Variants in TBC1D32 observed in about 807,000 individuals in gnomAD.
The protein encoded by TBC1D32 is TBC1 domain family member 32.
Under a neutral mutation model 170.3 loss-of-function variants are expected in TBC1D32, and 151 were observed. That is an observed-to-expected ratio of 0.89 (90% confidence interval 0.78 to 1.01). TBC1D32 has a LOEUF of 1.01. Ranked by LOEUF, TBC1D32 falls within the 50% of genes least tolerant of loss-of-function variation. The pLI is 0.00. For synonymous variants in TBC1D32, 498 were observed against 488.0 expected (o/e 1.02, Z -0.27); for missense variants, 1,464 against 1,457.1 (o/e 1.00, Z -0.08).
chr6:121,261,862 T>A (rs927248970), intron 15 of TBC1D32, among the ~76,000 whole-genome samples: 3 of 152,080 alleles, frequency 2.0e-5, no homozygotes, highest in Admixed American at 2.0e-4. Flanking sequence ...TCTAACCCAA[T>A]GCAAAGATGC....
In TBC1D32 at chr6:121,334,456, C is replaced by G; in HGVS notation, c.-26G>C. 2 of 1,605,530 alleles carry G rather than the reference C, an allele frequency of 1.2e-6. No homozygotes were observed. Among genetic ancestry groups the G allele is most frequent in the Non-Finnish European group, 1.7e-6 (2 of 1,175,592 alleles). On this transcript the variant is annotated 5_prime_UTR_variant, in exon 1 of 32. An upstream start codon of the reference 5' UTR is lost. Coordinates refer to ENST00000398212, the MANE Select transcript of TBC1D32 (RefSeq NM_152730.6). The stretch of plus-strand genomic sequence containing the variant: ...CCTGTTGGAATCAAACGTCCACTCT[C>G]ATTACTCCAGGTCCGAGCAAAAGCC...
At chr6:121,257,738 T>C (rs974008292) in intron 15 of TBC1D32, among the ~76,000 whole-genome samples, 3 of 152,200 alleles carry the variant, frequency 2.0e-5, no homozygotes, top group Non-Finnish European at 4.4e-5. Flanking sequence ...TTTTATATAC[T>C]TTATGTATGT....
chr6:121,317,557 T>C lies in TBC1D32; in HGVS notation c.433A>G (p.Lys145Glu). 4 of 1,613,116 alleles carry C rather than the reference T, an allele frequency of 2.5e-6. No individual in the cohort carries two copies. Among genetic ancestry groups the C allele is most frequent in the Middle Eastern group, 3.3e-4 (2 of 6,054 alleles). ...GTGCGGTAACTATGGCTTTTCTCCT[T>C]TTGGATTTTTTTCTGCCTTTCTTGA... ...RNQERQKKIQ[K>E]EKSHSYRTDN... Residue 145 changes from lysine (K) to glutamate (E), a missense_variant, in exon 3 of 32, where the codon AAG (lysine) becomes GAG (glutamate). Physicochemically the swap from Lys to Glu is moderately conservative, Grantham distance 56 (BLOSUM62 1). Coordinates refer to ENST00000398212, the MANE Select transcript of TBC1D32 (RefSeq NM_152730.6).
chr6:121,103,327 A>T (rs563139471), intron 30 of TBC1D32, among the ~76,000 whole-genome samples: 2 of 152,110 alleles, frequency 1.3e-5, no homozygotes, highest in South Asian at 2.1e-4. Context: ...AAGACTTGGA[A>T]CCAACCCAAA....
At chr6:121,325,775 C>T (rs953370705) in intron 1 of TBC1D32, among the ~76,000 whole-genome samples, 2 of 152,098 alleles carry the variant, frequency 1.3e-5, no homozygotes, top group East Asian at 1.9e-4. Context: ...TTGACAAATG[C>T]GATCTAATTA....
chr6:121,264,915 A>G (rs1432529510), intron 15 of TBC1D32, among the ~76,000 whole-genome samples: 1 of 152,212 alleles, frequency 6.6e-6, no homozygotes, highest in Non-Finnish European at 1.5e-5. Flanking sequence ...AACATATCTC[A>G]AAATAATAAG....
rs201562606 is a variant in TBC1D32, at chr6:121,324,535, GT to G, written c.156-2742del. 9.7e-4 allele frequency among the ~76,000 whole-genome samples: 148 copies of G among 152,152 alleles called. 1 individual carries two copies. The East Asian group carries it at 0.022, about 22-fold the overall frequency. On this transcript the variant is annotated intron_variant, in intron 1 of 31. Transcript: ENST00000398212. ...GCAAACATTAATTTTCAGAAATACA[GT>G]CCAAGAAAAACAAAACCCAAAGTTT...
chr6:121,090,872 T>C lies in TBC1D32; in HGVS notation c.3635A>G (p.Asp1212Gly), dbSNP rs1268503144. The C allele has an allele frequency of 1.2e-6, 2 of 1,610,356 alleles. No individual in the cohort carries two copies. Among genetic ancestry groups the C allele is most frequent in the Non-Finnish European group, 1.7e-6 (2 of 1,179,036 alleles). Residue 1212 changes from aspartate to glycine, a missense_variant, in exon 31 of 32, where the codon GAT (aspartate) becomes GGT (glycine). By Grantham distance (94) the Asp-to-Gly change is moderately conservative (BLOSUM62 -1). Transcript: ENST00000398212. ...ACTTACTTTTAGGAAAACTTGCAGA[T>C]CTTGAGTCTGAGTGTGCTGTAGAAT... ...QDILQHTQTQ[D>G]LQVFLKEEAL...
chr6:121,268,044 C>A (rs751497870), intron 15 of TBC1D32, among the ~76,000 whole-genome samples: 13 of 152,138 alleles, frequency 8.5e-5, no homozygotes, highest in Non-Finnish European at 1.8e-4. Context: ...ACCGGAGGGT[C>A]CTACTGTTAG....
chr6:121,093,090 T>C (rs1439112921), intron 30 of TBC1D32, among the ~76,000 whole-genome samples: 2 of 152,150 alleles, frequency 1.3e-5, no homozygotes, highest in African/African-American at 2.4e-5. Context: ...AATTAGAATA[T>C]ATCTATGAAT....
intron 10 of TBC1D32, 52 bp downstream of exon 10, chr6:121,299,394 A>G (rs1806123872): frequency 6.9e-7 from 1 of 1,440,130 alleles, no homozygotes; most frequent in Non-Finnish European, 9.4e-7. Flanking sequence ...ATTACATCAT[A>G]TATATTCTGG....
At chr6:121,210,272 G>A (rs2062618) in intron 21 of TBC1D32, among the ~76,000 whole-genome samples, 10,542 of 152,250 alleles carry the variant, frequency 0.069, 541 homozygotes, top group Non-Finnish European at 0.1. Flanking sequence ...AATGTCAATG[G>A]CTATTAAGCA....
At chr6:121,276,344 AAAC>A (rs1259205976) in intron 15 of TBC1D32, among the ~76,000 whole-genome samples, 1 of 152,100 alleles carries the variant, frequency 6.6e-6, no homozygotes, top group African/African-American at 2.4e-5. Context: ...AATACAACTA[AAAC>A]AATATAATTA....
intron 1 of TBC1D32, among the ~76,000 whole-genome samples, chr6:121,324,437 G>C (rs548915049): frequency 1.3e-5 from 2 of 152,192 alleles, no homozygotes; most frequent in East Asian, 3.9e-4. Context: ...AAGGGAATAA[G>C]TATTTAGAAT....
intron 1 of TBC1D32, among the ~76,000 whole-genome samples, chr6:121,323,570 A>G (rs751206590): frequency 6.6e-5 from 10 of 152,212 alleles, no homozygotes; most frequent in Non-Finnish European, 1.3e-4. Flanking sequence ...AAATCTCTTT[A>G]TAAGAGTATC....
At position 121,256,232 on chromosome 6, in the gene TBC1D32, T is replaced by C; in HGVS notation, c.1787A>G (p.Asp596Gly). Residue 596 changes from aspartate (D) to glycine (G), a missense_variant, in exon 16 of 32, where the codon GAT becomes GGT. Transcript: ENST00000398212. ...TTCTGATCCAGAAAATATAGAAATA[T>C]CTTCATCGAGAAGTTTTTTCGAAAA... ...AQFSKKLLDE[D>G]ISIFSGSEML... 1 of 1,613,790 alleles carries C rather than the reference T, an allele frequency of 6.2e-7. No individual in the cohort carries two copies. Among genetic ancestry groups the C allele is most frequent in the Admixed American group, 1.7e-5 (1 of 59,974 alleles).
chr6:121,321,213 C>A (rs1230244455), intron 2 of TBC1D32, among the ~76,000 whole-genome samples: 2 of 151,946 alleles, frequency 1.3e-5, no homozygotes, highest in Non-Finnish European at 2.9e-5. Flanking sequence ...ACCTAGACCC[C>A]AAAAAAAGTG....
intron 17 of TBC1D32, among the ~76,000 whole-genome samples, chr6:121,254,457 C>T (rs958373443): frequency 6.6e-6 from 1 of 151,982 alleles, no homozygotes; most frequent in African/African-American, 2.4e-5. Context: ...CTAAAAATTA[C>T]CTCAAAAATA....
At chr6:121,200,292 C>A (rs1791372242) in intron 22 of TBC1D32, among the ~76,000 whole-genome samples, 1 of 150,418 alleles carries the variant, frequency 6.6e-6, no homozygotes. Context: ...GAAGATAATT[C>A]AAAGTTAAAA....
Sources: allele counts gnomAD v4.1 joint callset (sites outside exome capture counted in the v4.1 genomes callset), GRCh38; gene constraint gnomAD v4.1.1; transcripts MANE v1.5; gene names NCBI Gene and HGNC (gene_info 2026-07-23, HGNC 2026-07-21).